The following FHDC1 variants were observed in gnomAD, a reference collection of about 807,000 sequenced individuals.
The protein encoded by FHDC1 is FH2 domain containing 1.
Under a neutral mutation model 52.6 loss-of-function variants are expected in FHDC1, and 25 were observed. That is an observed-to-expected ratio of 0.48 (90% CI 0.35 to 0.66). FHDC1 has a LOEUF of 0.66. FHDC1 is among the 30% of genes least tolerant of loss of function. The pLI is 0.01. For synonymous variants in FHDC1, 616 were observed against 581.5 expected (o/e 1.06, Z -0.85); for missense variants, 1,459 against 1,452.8 (o/e 1.00, Z -0.07).
intron 2 of FHDC1, among the ~76,000 whole-genome samples, chr4:152,946,140 G>A (rs1455891482): frequency 6.6e-6 from 1 of 152,144 alleles, no homozygotes; most frequent in African/African-American, 2.4e-5. Flanking sequence ...TGGACAGCTG[G>A]GTTGCTTCCA....
upstream of FHDC1, among the ~76,000 whole-genome samples, chr4:152,931,765 T>C (rs193033408): frequency 6.6e-6 from 1 of 152,030 alleles, no homozygotes; most frequent in Admixed American, 6.5e-5. Context: ...CTTTCAACCC[T>C]GTCTTTACAA....
At position 152,943,568 on chromosome 4, in the gene FHDC1, G is replaced by C; in HGVS notation, c.498+13G>C. 1 of 1,603,230 alleles carries C rather than the reference G, an allele frequency of 6.2e-7. No homozygotes were observed. The highest frequency in any genetic ancestry group is 8.5e-7 in the Non-Finnish European group (1 of 1,174,536). Reference sequence around the variant, plus strand: ...AGCTCGAGAAGAGGTAAGAATGCAAGGTGGAGGGCTAATCCTCCACACACT... The same window carrying C: ...AGCTCGAGAAGAGGTAAGAATGCAACGTGGAGGGCTAATCCTCCACACACT... On this transcript the variant is annotated intron_variant, in intron 2 of 11. Coordinates refer to ENST00000511601, the MANE Select transcript of FHDC1 (RefSeq NM_001371116.1).
rs377113286 is a variant in FHDC1, at chr4:152,975,999, G to T, written c.2708G>T (p.Arg903Leu). 6.5e-6 allele frequency: 10 copies of T among 1,533,412 alleles called. No homozygotes were observed. The highest frequency in any genetic ancestry group is 8.7e-6 in the Non-Finnish European group (10 of 1,143,308). The allele number at this position is 1,533,412 out of a possible 1,614,324, so 95.0% of individuals were successfully genotyped here. A position where few individuals can be genotyped will look rare whatever the true frequency, so the allele number is the denominator to read the frequency against. The change falls in exon 12 of 12, where the codon CGC (arginine) becomes CTC (leucine). Residue 903 changes from arginine (R) to leucine (L), a missense_variant. Physicochemically the swap from Arg to Leu is moderately radical, Grantham distance 102. This residue lies in a region of FHDC1 where 939 missense variants were observed against 854.5 expected (regional missense o/e 1.10). Coordinates refer to ENST00000511601, the MANE Select transcript of FHDC1 (RefSeq NM_001371116.1). ...TLTASENESM[R>L]KVMPITKSSR... ...ACCGCCTCAGAGAACGAGAGCATGCGCAAGGTCATGCCCATCACCAAGTCC... is the reference window on the plus strand; with the variant it reads ...ACCGCCTCAGAGAACGAGAGCATGCTCAAGGTCATGCCCATCACCAAGTCC...
intron 6 of FHDC1, 52 bp downstream of exon 6, chr4:152,960,896 C>T: frequency 7.3e-7 from 1 of 1,373,078 alleles, no homozygotes. Context: ...ATTTCGATAG[C>T]AGTTTTTTAA....
In FHDC1 at chr4:152,975,860, A is replaced by G; in HGVS notation, c.2569A>G (p.Lys857Glu). Residue 857 changes from lysine to glutamate, a missense_variant, in exon 12 of 12, where the codon AAA (lysine) becomes GAA (glutamate). Lys to Glu is a moderately conservative substitution (Grantham distance 56). Coordinates refer to ENST00000511601, the MANE Select transcript of FHDC1 (RefSeq NM_001371116.1). ...GLPRDKPTKR[K>E]DVVAPKRGSL... is the part of the protein sequence containing the mutation. ...GCCCAGGGACAAACCCACCAAAAGG[A>G]AAGATGTTGTAGCACCAAAGAGAGG... is the stretch of plus-strand genomic sequence containing the variant. The G allele has an allele frequency of 1.3e-6, 2 of 1,514,874 alleles. No homozygotes were observed. The highest frequency in any genetic ancestry group is 1.8e-6 in the Non-Finnish European group (2 of 1,133,008). The allele number at this position is 1,514,874 out of a possible 1,614,324, so 93.8% of individuals were successfully genotyped here. A position where few individuals can be genotyped will look rare whatever the true frequency, so the allele number is the denominator to read the frequency against.
the FHDC1 span, among the ~76,000 whole-genome samples, chr4:152,916,096 C>G: frequency 6.6e-6 from 1 of 151,718 alleles, no homozygotes; most frequent in Admixed American, 6.6e-5. Context: ...CTGAGACATT[C>G]TACAACATAA....
Position 152,975,915 on chromosome 4 carries a change from C to A in FHDC1, c.2624C>A (p.Ser875Tyr). Residue 875 changes from serine (S) to tyrosine (Y), a missense_variant, in exon 12 of 12, where the codon TCC becomes TAC. By Grantham distance (144) the Ser-to-Tyr change is moderately radical. Coordinates refer to ENST00000511601, the MANE Select transcript of FHDC1 (RefSeq NM_001371116.1). ...CTGAAAGAGGCGTCTCCCGGGGCCT[C>A]CAAGCCCGGGAGCGCCCGGCGGAGC... ...GSLKEASPGA[S>Y]KPGSARRSQG... 6.6e-7 allele frequency: 1 copy of A among 1,514,406 alleles called. No homozygotes were observed. The highest frequency in any genetic ancestry group is 8.8e-7 in the Non-Finnish European group (1 of 1,133,894). The allele number at this position is 1,514,406 out of a possible 1,614,324, so 93.8% of individuals were successfully genotyped here.
the FHDC1 span, among the ~76,000 whole-genome samples, chr4:152,920,779 TTTATTA>T: frequency 6.6e-6 from 1 of 152,110 alleles, no homozygotes. Context: ...CTCTTGTAAT[TTTATTA>T]AAAGTAAATC....
chr4:152,933,711 G>A (rs748305266), upstream of FHDC1, among the ~76,000 whole-genome samples: 5 of 126,218 alleles, frequency 4.0e-5, no homozygotes, highest in Admixed American at 1.9e-4. Context: ...CCAGCCTGGC[G>A]ACAGTGAGAC....
At chr4:152,915,310 G>A in the FHDC1 span, among the ~76,000 whole-genome samples, 4 of 152,210 alleles carry the variant, frequency 2.6e-5, no homozygotes, top group East Asian at 7.7e-4. Context: ...ACAGGATTTC[G>A]CCATGTGTGT....
chr4:152,926,809 AAAAAC>A, the FHDC1 span, among the ~76,000 whole-genome samples: 2 of 152,110 alleles, frequency 1.3e-5, no homozygotes, highest in African/African-American at 4.8e-5. Context: ...ATGGGAAAAA[AAAAAC>A]AAAACAACAA....
intron 2 of FHDC1, among the ~76,000 whole-genome samples, chr4:152,951,404 C>T (rs1461180638): frequency 1.3e-5 from 2 of 151,870 alleles, no homozygotes; most frequent in Admixed American, 6.6e-5. Context: ...CTGCAGTCCC[C>T]AGATAGGATT....
intron 4 of FHDC1, among the ~76,000 whole-genome samples, chr4:152,959,959 A>C (rs1415442820): frequency 6.7e-6 from 1 of 150,064 alleles, no homozygotes; most frequent in East Asian, 2.0e-4. Flanking sequence ...TTGTTTAAGC[A>C]ATTTTCCTAT....
chr4:152,975,621 C>G lies in FHDC1; in HGVS notation c.2330C>G (p.Thr777Ser), dbSNP rs1242221733. 1.2e-6 allele frequency: 2 copies of G among 1,613,630 alleles called. No homozygotes were observed. The highest frequency in any genetic ancestry group is 1.1e-5 in the South Asian group (1 of 91,078). ...PRPLFCISDT[T>S]DCSLTLDCSE... The stretch of plus-strand genomic sequence containing the variant: ...CCTCTGTTCTGCATCTCGGACACCA[C>G]CGACTGCTCACTGACCCTGGACTGC... Residue 777 changes from threonine (T) to serine (S), a missense_variant, in exon 12 of 12, where the codon ACC (threonine) becomes AGC (serine). Around this residue, in one of 3 missense-constraint regions of FHDC1, gnomAD observed 939 missense variants for 854.5 expected, o/e 1.10. Coordinates refer to ENST00000511601, the MANE Select transcript of FHDC1 (RefSeq NM_001371116.1).
chr4:152,974,968 C>T lies in FHDC1; in HGVS notation c.1677C>T (p.Thr559=), dbSNP rs534726759. The change falls in exon 12 of 12, where the codon ACC becomes ACT. Residue 559 remains threonine, a synonymous_variant. Coordinates refer to ENST00000511601, the MANE Select transcript of FHDC1 (RefSeq NM_001371116.1). ...RELLTFLESS[T]GSPEEPNKFH... Reference sequence around the variant, plus strand: ...TGCTGACCTTCTTGGAGAGCTCCACCGGCAGCCCTGAGGAGCCCAATAAGT... The same window carrying T: ...TGCTGACCTTCTTGGAGAGCTCCACTGGCAGCCCTGAGGAGCCCAATAAGT... 1.2e-5 allele frequency: 20 copies of T among 1,612,556 alleles called. No individual in the cohort carries two copies. The highest frequency in any genetic ancestry group is 1.1e-4 in the East Asian group (5 of 44,872).
chr4:152,936,306 G>A (rs1356871016), upstream of FHDC1: 1 of 152,242 alleles, frequency 6.6e-6, no homozygotes, highest in Non-Finnish European at 1.5e-5. Flanking sequence ...CTCGCGCTCA[G>A]GGTTGGCTGG....
intron 2 of FHDC1, among the ~76,000 whole-genome samples, chr4:152,949,174 A>G (rs955236013): frequency 2.0e-5 from 3 of 149,486 alleles, no homozygotes; most frequent in Non-Finnish European, 4.5e-5. Flanking sequence ...AAGAAGAAGC[A>G]GAAGAAGAAA....
At chr4:152,925,753 A>C in the FHDC1 span, among the ~76,000 whole-genome samples, 1 of 151,660 alleles carries the variant, frequency 6.6e-6, no homozygotes. Context: ...CTAAGTGTCT[A>C]ATCCATACTC....
intron 2 of FHDC1, among the ~76,000 whole-genome samples, chr4:152,946,196 A>G (rs953235285): frequency 2.0e-5 from 3 of 152,236 alleles, no homozygotes; most frequent in African/African-American, 7.2e-5. Context: ...TGGGTGTACA[A>G]AAATCTTTGC....
Sources: allele counts gnomAD v4.1 joint callset (sites outside exome capture counted in the v4.1 genomes callset), GRCh38; gene constraint gnomAD v4.1.1; regional missense constraint gnomAD v4.1.1; transcripts MANE v1.5; gene names NCBI Gene and HGNC (gene_info 2026-07-23, HGNC 2026-07-21).